Variants in TMEM38B observed in about 807,000 individuals in gnomAD.
TMEM38B encodes transmembrane protein 38B.
Under a neutral mutation model 28.7 loss-of-function variants are expected in TMEM38B, and 24 were observed. That is an observed-to-expected ratio of 0.84 (90% CI 0.61 to 1.18). The LOEUF (loss-of-function observed/expected upper bound fraction) is 1.18. Ranked by LOEUF, TMEM38B falls within the 50% of genes most tolerant of loss-of-function variation. The pLI is 0.00. For synonymous variants in TMEM38B, 131 were observed against 127.7 expected, an observed-to-expected ratio of 1.03 and a Z score of -0.17; for missense variants, 380 against 350.9, an observed-to-expected ratio of 1.08 and a Z score of -0.66.
chr9:105,748,140 T>A lies in TMEM38B; in HGVS notation c.610T>A (p.Ser204Thr). 1 of 1,613,674 alleles carries A rather than the reference T, an allele frequency of 6.2e-7. No homozygotes were observed. The highest frequency in any genetic ancestry group is 8.5e-7 in the Non-Finnish European group (1 of 1,179,696). The change falls in exon 5 of 6, where the codon TCA (serine) becomes ACA (threonine). Residue 204 changes from serine to threonine, a missense_variant. Physicochemically the swap from Ser to Thr is moderately conservative, Grantham distance 58 (BLOSUM62 1). Transcript: ENST00000374692. ...TFQHTQHLAISKHNLMFLYTI... is the reference protein window; with the variant it reads ...TFQHTQHLAITKHNLMFLYTI... ...CCAGCACACCCAGCATCTGGCAATA[T>A]CAAAGCATAATCTTATGTTCCTTTA... is the stretch of plus-strand genomic sequence containing the variant.
At chr9:105,750,506 C>T (rs954352088) in intron 5 of TMEM38B, among the ~76,000 whole-genome samples, 1 of 152,062 alleles carries the variant, frequency 6.6e-6, no homozygotes, top group South Asian at 2.1e-4. Context: ...CCCAGCTACT[C>T]AGGAGGCTGA....
At chr9:105,701,291 A>G (rs1835452970) in intron 1 of TMEM38B, 1 of 152,130 alleles carries the variant, frequency 6.6e-6, no homozygotes, top group Non-Finnish European at 1.5e-5. Flanking sequence ...AGTACTTGCT[A>G]CTTGCCAGTC....
chr9:105,748,429 T>C (rs1837515811), intron 5 of TMEM38B, among the ~76,000 whole-genome samples: 1 of 152,188 alleles, frequency 6.6e-6, no homozygotes, highest in Admixed American at 6.5e-5. Flanking sequence ...TAGTAGTATA[T>C]TGGAGAAGAC....
intron 2 of TMEM38B, among the ~76,000 whole-genome samples, chr9:105,715,489 TCTTC>T (rs1836064276): frequency 6.6e-6 from 1 of 152,146 alleles, no homozygotes. Context: ...GTATTTGTAT[TCTTC>T]CTTTGCATTG....
intron 1 of TMEM38B, among the ~76,000 whole-genome samples, chr9:105,695,137 C>A (rs1564380874): frequency 1.3e-5 from 2 of 152,226 alleles, no homozygotes; most frequent in African/African-American, 4.8e-5. Flanking sequence ...AGGGCTTGGG[C>A]GGCCTCCTCG....
At chr9:105,738,717 T>TTTTTG (rs1290022002) in intron 4 of TMEM38B, among the ~76,000 whole-genome samples, 1 of 136,824 alleles carries the variant, frequency 7.3e-6, no homozygotes, top group African/African-American at 2.9e-5. Flanking sequence ...ATTTTTTCCT[T>TTTTTG]TTTTTTTTTT....
chr9:105,738,765 C>G (rs1265554129), intron 4 of TMEM38B, among the ~76,000 whole-genome samples: 1 of 146,548 alleles, frequency 6.8e-6, no homozygotes, highest in Non-Finnish European at 1.5e-5. Flanking sequence ...GTCGCCCAGG[C>G]TGAGTGCAGT....
chr9:105,746,639 C>T (rs965495762), intron 4 of TMEM38B, among the ~76,000 whole-genome samples: 74 of 152,262 alleles, frequency 4.9e-4, no homozygotes, highest in African/African-American at 1.2e-3. Flanking sequence ...TGAGAGAGGG[C>T]ATCCCTGTCT....
At chr9:105,704,861 T>C (rs1448369740) in intron 1 of TMEM38B, among the ~76,000 whole-genome samples, 1 of 151,618 alleles carries the variant, frequency 6.6e-6, no homozygotes, top group African/African-American at 2.4e-5. Context: ...GAGGTGGAGG[T>C]TGTGGTGAGC....
At chr9:105,764,722 G>A (rs929766503) in intron 5 of TMEM38B, among the ~76,000 whole-genome samples, 7 of 150,946 alleles carry the variant, frequency 4.6e-5, no homozygotes, top group Middle Eastern at 3.4e-3. Context: ...CACAGAATTC[G>A]AAAAAACTAC....
chr9:105,730,850 A>C (rs1030230505), intron 4 of TMEM38B, among the ~76,000 whole-genome samples: 1 of 151,978 alleles, frequency 6.6e-6, no homozygotes, highest in Non-Finnish European at 1.5e-5. Flanking sequence ...AGTTTATTTG[A>C]GTAGAGGTGT....
intron 5 of TMEM38B, chr9:105,759,954 A>G: frequency 6.3e-7 from 1 of 1,574,910 alleles, no homozygotes; most frequent in Non-Finnish European, 8.7e-7. Flanking sequence ...CAAGTGTGCA[A>G]ACAGCTATGC....
chr9:105,697,186 C>T (rs935511161), intron 1 of TMEM38B, among the ~76,000 whole-genome samples: 2 of 152,210 alleles, frequency 1.3e-5, no homozygotes, highest in Non-Finnish European at 2.9e-5. Context: ...TCCTCACCCA[C>T]CCTAAATTCC....
At chr9:105,751,722 A>G (rs553923475) in intron 5 of TMEM38B, among the ~76,000 whole-genome samples, 15 of 152,136 alleles carry the variant, frequency 9.9e-5, no homozygotes, top group Non-Finnish European at 1.9e-4. Flanking sequence ...GCTGGCATCT[A>G]TGCAGTTTGG....
rs1289191793 is a variant in TMEM38B, at chr9:105,694,561, G to A, written c.-100G>A. ...CGCGCGGAGCTGGAGCCGGCGCGGA[G>A]GAGCGGGCGGCCGCGGCTGTGCCCT... is the stretch of plus-strand genomic sequence containing the variant. On this transcript the variant is annotated 5_prime_UTR_variant, in exon 1 of 6. Transcript: ENST00000374692. 5 of 818,828 alleles carry A rather than the reference G, an allele frequency of 6.1e-6. No individual in the cohort carries two copies. Among genetic ancestry groups the A allele is most frequent in the Non-Finnish European group, 9.3e-6 (5 of 537,822 alleles). 50.7% of individuals were successfully genotyped at this position (818,828 alleles called of 1,614,324 possible). A position where few individuals can be genotyped will look rare whatever the true frequency, so the allele number is the denominator to read the frequency against.
At chr9:105,747,797 A>G (rs1837478580) in intron 4 of TMEM38B, among the ~76,000 whole-genome samples, 1 of 152,176 alleles carries the variant, frequency 6.6e-6, no homozygotes, top group African/African-American at 2.4e-5. Flanking sequence ...CGTTGGTTTC[A>G]AAGAACATCT....
rs944272734 is a variant in TMEM38B, at chr9:105,729,484, C to T, written c.542+6863C>T. 2.0e-5 allele frequency among the ~76,000 whole-genome samples: 3 copies of T among 152,290 alleles called. No homozygotes were observed. In the South Asian group the frequency reaches 6.2e-4, roughly 32 times the overall value. ...TACCATGCTATTTTGGTTACTGTAG[C>T]CTTGTAGTATAGTTTGAAGTCAGGT... is the stretch of plus-strand genomic sequence containing the variant. On this transcript the variant is annotated intron_variant, in intron 4 of 5. Transcript: ENST00000374692.
chr9:105,760,180 C>T (rs1368173936), intron 5 of TMEM38B: 75 of 913,988 alleles, frequency 8.2e-5, no homozygotes, highest in Admixed American at 6.6e-4. Context: ...ACTTTTAATG[C>T]GTATGATTTC....
intron 5 of TMEM38B, among the ~76,000 whole-genome samples, chr9:105,754,653 C>T (rs1837770284): frequency 6.6e-6 from 1 of 152,166 alleles, no homozygotes; most frequent in East Asian, 1.9e-4. Flanking sequence ...ATTTATAGCA[C>T]TAAATGCCCA....
Sources: allele counts gnomAD v4.1 joint callset (sites outside exome capture counted in the v4.1 genomes callset), GRCh38; gene constraint gnomAD v4.1.1; transcripts MANE v1.5; gene names NCBI Gene and HGNC (gene_info 2026-07-23, HGNC 2026-07-21).